SUGCT: variants seen among roughly 807,000 people sequenced by gnomAD.
SUGCT encodes the protein succinyl-CoA:glutarate-CoA transferase, also known as succinyl-CoA:glutarate CoA-transferase.
In SUGCT, 41 loss-of-function variants were observed where a neutral mutation model predicts 55.0. That is an observed-to-expected ratio of 0.74 (90% CI 0.58 to 0.97). SUGCT has a LOEUF of 0.97. Among genes scored for constraint, SUGCT ranks in the 50% least tolerant of loss-of-function variants. SUGCT has a pLI of 0.00. For missense variants in SUGCT, 568 were observed against 547.8 expected (o/e 1.04, Z -0.37); for synonymous variants, 187 against 200.4 (o/e 0.93, Z 0.56).
rs188327418 is a variant in SUGCT at position 40,287,640 on chromosome 7, G to A, written c.720+12984G>A. Among the ~76,000 whole-genome samples the A allele has an allele frequency of 3.3e-3, 504 of 151,974 alleles. 3 individuals carry two copies. The highest frequency in any genetic ancestry group is 0.011 in the African/African-American group (472 of 41,446). The stretch of plus-strand genomic sequence containing the variant: ...GCCCCCTGAGTGGCTTGGACTACAC[G>A]CATATGCCATCATGCTCAGCTAAAT... On this transcript the variant is annotated intron_variant, in intron 8 of 13. Coordinates refer to ENST00000335693, the MANE Select transcript of SUGCT (RefSeq NM_001193313.2).
chr7:40,313,352 C>A (rs909714455), intron 8 of SUGCT, among the ~76,000 whole-genome samples: 2 of 152,140 alleles, frequency 1.3e-5, no homozygotes, highest in African/African-American at 4.8e-5. Flanking sequence ...ATCCTGCATT[C>A]TTTTAATTTG....
intron 13 of SUGCT, among the ~76,000 whole-genome samples, chr7:40,850,749 C>T (rs561497617): frequency 6.6e-6 from 1 of 152,314 alleles, no homozygotes; most frequent in South Asian, 2.1e-4. Context: ...CTTTAAAAAA[C>T]CTTGTCCCTG....
At chr7:40,254,019 G>T (rs1212442356) in intron 7 of SUGCT, among the ~76,000 whole-genome samples, 1 of 152,170 alleles carries the variant, frequency 6.6e-6, no homozygotes, top group Non-Finnish European at 1.5e-5. Context: ...TAACACTACG[G>T]ATGTTTGTTA....
At position 40,761,601 on chromosome 7, in the gene SUGCT, T is replaced by C. The variant is rs116228649; in HGVS notation, c.1153+12104T>C. Among the ~76,000 whole-genome samples, 322 of 152,342 alleles carry C rather than the reference T, an allele frequency of 2.1e-3. 1 individual carries two copies. Among genetic ancestry groups the C allele is most frequent in the African/African-American group, 7.4e-3 (307 of 41,586 alleles). ...CTTTGACATTTCTCAGAAGCATTGATAGTCTGAAATGTGTTTGCCTAAGAG... is the reference window on the plus strand; with the variant it reads ...CTTTGACATTTCTCAGAAGCATTGACAGTCTGAAATGTGTTTGCCTAAGAG... On this transcript the variant is annotated intron_variant, in intron 13 of 13. Coordinates refer to ENST00000335693, the MANE Select transcript of SUGCT (RefSeq NM_001193313.2).
At chr7:40,953,994 T>C in the SUGCT span, among the ~76,000 whole-genome samples, 1 of 152,226 alleles carries the variant, frequency 6.6e-6, no homozygotes, top group Non-Finnish European at 1.5e-5. Context: ...GACAGGGACA[T>C]TTAAGTCTGC....
the SUGCT span, among the ~76,000 whole-genome samples, chr7:40,902,976 C>T: frequency 6.6e-6 from 1 of 152,068 alleles, no homozygotes; most frequent in Admixed American, 6.5e-5. Flanking sequence ...ATTATTTCCC[C>T]AAGTTCAGAT....
chr7:40,420,948 A>T (rs1026277378), intron 9 of SUGCT, among the ~76,000 whole-genome samples: 4 of 152,154 alleles, frequency 2.6e-5, no homozygotes, highest in Non-Finnish European at 4.4e-5. Context: ...TTTCTTTATC[A>T]TGGAAGCTAT....
chr7:40,363,298 G>A (rs1357425319), intron 9 of SUGCT, among the ~76,000 whole-genome samples: 1 of 151,760 alleles, frequency 6.6e-6, no homozygotes, highest in African/African-American at 2.4e-5. Context: ...AGGGTTTTTT[G>A]TGTCTCTATT....
the SUGCT span, among the ~76,000 whole-genome samples, chr7:40,978,506 C>T: frequency 6.6e-6 from 1 of 151,806 alleles, no homozygotes. Flanking sequence ...TGCTCATGGG[C>T]CTCAAAGTCG....
chr7:40,622,345 G>T (rs1799299884), intron 12 of SUGCT, among the ~76,000 whole-genome samples: 1 of 152,148 alleles, frequency 6.6e-6, no homozygotes, highest in Non-Finnish European at 1.5e-5. Flanking sequence ...AAATTTGTGA[G>T]TATGGGTTCT....
intron 11 of SUGCT, among the ~76,000 whole-genome samples, chr7:40,486,648 A>G (rs945506090): frequency 6.6e-6 from 1 of 150,578 alleles, no homozygotes; most frequent in Non-Finnish European, 1.5e-5. Flanking sequence ...TGTGTTTCAT[A>G]GGTTTTGGTA....
At chr7:40,732,125 G>C (rs1031940217) in intron 12 of SUGCT, among the ~76,000 whole-genome samples, 1 of 152,166 alleles carries the variant, frequency 6.6e-6, no homozygotes, top group Non-Finnish European at 1.5e-5. Context: ...CAAAATGAAG[G>C]TGTTGGCAGC....
intron 12 of SUGCT, among the ~76,000 whole-genome samples, chr7:40,726,694 A>G (rs896905243): frequency 6.6e-6 from 1 of 152,184 alleles, no homozygotes; most frequent in African/African-American, 2.4e-5. Flanking sequence ...AGGCGCCGCA[A>G]CCGAATTGCC....
At chr7:40,514,050 A>G (rs1793096274) in intron 12 of SUGCT, among the ~76,000 whole-genome samples, 2 of 152,010 alleles carry the variant, frequency 1.3e-5, no homozygotes, top group African/African-American at 4.8e-5. Flanking sequence ...TCGGCCTCCC[A>G]AAGTGCTGGG....
intron 11 of SUGCT, among the ~76,000 whole-genome samples, chr7:40,494,777 C>G (rs1583827997): frequency 6.6e-6 from 1 of 152,214 alleles, no homozygotes; most frequent in East Asian, 1.9e-4. Context: ...GATTGAACAT[C>G]ATTGTTCATA....
At chr7:40,904,449 G>C in the SUGCT span, among the ~76,000 whole-genome samples, 1 of 152,096 alleles carries the variant, frequency 6.6e-6, no homozygotes, top group African/African-American at 2.4e-5. Flanking sequence ...AGAATAATTA[G>C]GTTATAATTT....
chr7:40,914,187 G>T, the SUGCT span, among the ~76,000 whole-genome samples: 2 of 151,116 alleles, frequency 1.3e-5, no homozygotes, highest in African/African-American at 4.9e-5. Context: ...TTCCAGGCTT[G>T]TCCTAAGAGT....
At chr7:40,385,669 T>G (rs1785083915) in intron 9 of SUGCT, among the ~76,000 whole-genome samples, 1 of 152,200 alleles carries the variant, frequency 6.6e-6, no homozygotes, top group South Asian at 2.1e-4. Flanking sequence ...ATTAATTACA[T>G]CATACAATGG....
chr7:40,331,333 G>C (rs1028949026), intron 9 of SUGCT, among the ~76,000 whole-genome samples: 3 of 151,964 alleles, frequency 2.0e-5, no homozygotes, highest in Non-Finnish European at 4.4e-5. Context: ...TGTTGCTGCT[G>C]AGACTCAACT....
Sources: gnomAD v4.1 joint callset for allele counts (sites outside exome capture counted in the v4.1 genomes callset) on GRCh38, gnomAD v4.1.1 for gene constraint, MANE v1.5 for transcripts, NCBI Gene and HGNC (gene_info 2026-07-23, HGNC 2026-07-21) for gene names.